Variants in MAD1L1 observed in about 807,000 individuals in gnomAD.
The protein encoded by MAD1L1 is mitotic spindle assembly checkpoint protein MAD1.
A neutral mutation model predicts 96.9 loss-of-function variants in MAD1L1; 95 were observed. The ratio of observed to expected loss-of-function variants is 0.98; its 90% CI spans 0.83 to 1.16. MAD1L1 has a LOEUF of 1.16. MAD1L1 is among the 50% of genes most tolerant of loss of function. MAD1L1 has a pLI of 0.00. For synonymous variants in MAD1L1, 473 were observed against 396.6 expected (o/e 1.19, Z -2.29); for missense variants, 1,007 against 954.4 (o/e 1.06, Z -0.73).
chr7:1,854,687 G>A (rs751719543), intron 18 of MAD1L1, among the ~76,000 whole-genome samples: 1 of 152,100 alleles, frequency 6.6e-6, no homozygotes, highest in Non-Finnish European at 1.5e-5. Flanking sequence ...TCGGTCCCCA[G>A]CATCCTGCCC....
intron 10 of MAD1L1, among the ~76,000 whole-genome samples, chr7:2,210,413 GCC>G: frequency 7.0e-6 from 1 of 143,486 alleles, no homozygotes. Context: ...GATTCTAGGA[GCC>G]GTATTCGGGA....
intron 17 of MAD1L1, among the ~76,000 whole-genome samples, chr7:1,915,185 T>C (rs73288801): frequency 0.042 from 6,419 of 152,188 alleles, 302 homozygotes; most frequent in African/African-American, 0.11. Flanking sequence ...ACAGTGTGTA[T>C]GGAGAGATGA....
chr7:2,184,410 A>G (rs1318533865), intron 10 of MAD1L1, among the ~76,000 whole-genome samples: 1 of 152,226 alleles, frequency 6.6e-6, no homozygotes, highest in Non-Finnish European at 1.5e-5. Context: ...GCCACACCAA[A>G]TACTGGTGAA....
intron 17 of MAD1L1, among the ~76,000 whole-genome samples, chr7:1,934,484 C>T (rs1789664536): frequency 6.6e-6 from 1 of 150,952 alleles, no homozygotes. Flanking sequence ...CACGAGCGAA[C>T]CCTAGACAGG....
intron 12 of MAD1L1, among the ~76,000 whole-genome samples, chr7:2,043,552 G>C (rs1783786275): frequency 6.6e-6 from 1 of 152,258 alleles, no homozygotes. Context: ...GGAACGTGAT[G>C]CCCGGGTACC....
chr7:1,952,488 C>T (rs1052150321), intron 16 of MAD1L1, among the ~76,000 whole-genome samples: 54 of 152,346 alleles, frequency 3.5e-4, no homozygotes, highest in Non-Finnish European at 7.4e-5. Context: ...CATCAGCTCG[C>T]TGTATGACTC....
intron 16 of MAD1L1, among the ~76,000 whole-genome samples, chr7:1,947,210 G>A (rs1033890549): frequency 4.5e-4 from 68 of 152,338 alleles, no homozygotes; most frequent in African/African-American, 1.4e-3. Context: ...CCCGGGCAAA[G>A]GAAATGGCTT....
At chr7:2,026,789 A>G (rs567774119) in intron 12 of MAD1L1, among the ~76,000 whole-genome samples, 3 of 152,250 alleles carry the variant, frequency 2.0e-5, no homozygotes, top group Non-Finnish European at 4.4e-5. Flanking sequence ...TATGCAACTA[A>G]ATTGACAACC....
chr7:1,899,181 C>T (rs1000280028), intron 17 of MAD1L1, among the ~76,000 whole-genome samples: 72 of 152,374 alleles, frequency 4.7e-4, no homozygotes, highest in African/African-American at 1.7e-3. Context: ...AACTGCTCTG[C>T]AGAGCCATCA....
chr7:2,046,243 T>C (rs1036985654), intron 12 of MAD1L1, among the ~76,000 whole-genome samples: 1 of 152,198 alleles, frequency 6.6e-6, no homozygotes, highest in Non-Finnish European at 1.5e-5. Context: ...AGGCACCCTA[T>C]GTCCCTGTCC....
intron 12 of MAD1L1, among the ~76,000 whole-genome samples, chr7:2,063,614 G>A (rs1416511954): frequency 3.3e-5 from 5 of 152,180 alleles, no homozygotes; most frequent in Admixed American, 6.5e-5. Context: ...TGTCTCCACC[G>A]TGCTATTCCA....
At chr7:2,004,601 C>T (rs1330468737) in intron 13 of MAD1L1, among the ~76,000 whole-genome samples, 2 of 152,240 alleles carry the variant, frequency 1.3e-5, no homozygotes, top group Non-Finnish European at 1.5e-5. Context: ...AGGGTGGAGC[C>T]GTGACCACGG....
At chr7:2,122,656 G>A (rs980685269) in intron 11 of MAD1L1, among the ~76,000 whole-genome samples, 2 of 152,008 alleles carry the variant, frequency 1.3e-5, no homozygotes, top group African/African-American at 2.4e-5. Context: ...GGGAGTTGAC[G>A]CTGGCCTGCT....
chr7:2,229,335 A>G (rs1626670), intron 3 of MAD1L1, among the ~76,000 whole-genome samples: 103,160 of 152,104 alleles, frequency 0.68, 35,865 homozygotes, highest in African/African-American at 0.82. Context: ...TGGGGGCCCC[A>G]TTATCGCAGC....
intron 10 of MAD1L1, chr7:2,175,267 C>T (rs1790892650): frequency 6.6e-6 from 1 of 152,240 alleles, no homozygotes; most frequent in Non-Finnish European, 1.5e-5. Context: ...TCACAACACA[C>T]TCTTATGTCC....
At chr7:2,046,252 C>T (rs1783915035) in intron 12 of MAD1L1, among the ~76,000 whole-genome samples, 1 of 152,200 alleles carries the variant, frequency 6.6e-6, no homozygotes, top group Non-Finnish European at 1.5e-5. Flanking sequence ...ATGTCCCTGT[C>T]CTCAGCTGGA....
At chr7:2,202,383 T>C (rs1368757645) in intron 10 of MAD1L1, among the ~76,000 whole-genome samples, 3 of 152,204 alleles carry the variant, frequency 2.0e-5, no homozygotes, top group African/African-American at 7.2e-5. Flanking sequence ...CCTGCACCTC[T>C]GGAGGGCAGC....
chr7:2,008,241 CA>C (rs1251715720), intron 13 of MAD1L1, among the ~76,000 whole-genome samples: 1 of 152,206 alleles, frequency 6.6e-6, no homozygotes, highest in Non-Finnish European at 1.5e-5. Flanking sequence ...GCAGCTCCCG[CA>C]GGGCCTCAGA....
At chr7:1,822,007 A>G (rs1191171684) in intron 18 of MAD1L1, among the ~76,000 whole-genome samples, 1 of 152,164 alleles carries the variant, frequency 6.6e-6, no homozygotes, top group Non-Finnish European at 1.5e-5. Flanking sequence ...ATGACGGCAC[A>G]CGTGGAAAAC....
Sources: allele counts gnomAD v4.1 joint callset (sites outside exome capture counted in the v4.1 genomes callset), GRCh38; gene constraint gnomAD v4.1.1; transcripts MANE v1.5; gene names NCBI Gene and HGNC (gene_info 2026-07-23, HGNC 2026-07-21).